The following FLNB variants were observed in gnomAD, a reference collection of about 807,000 sequenced individuals.
FLNB encodes the protein filamin B, also known as filamin-B.
Under a neutral mutation model 250.6 loss-of-function variants are expected in FLNB, and 111 were observed. The observed-to-expected ratio is 0.44, with a 90% confidence interval of 0.38 to 0.52. FLNB has a LOEUF of 0.52. Ranked by LOEUF, FLNB falls within the 20% of genes least tolerant of loss-of-function variation. The pLI is 0.00. For synonymous variants in FLNB, 1,302 were observed against 1,372.1 expected, an observed-to-expected ratio of 0.95 and a Z score of 1.13; for missense variants, 2,869 against 3,447.8, an observed-to-expected ratio of 0.83 and a Z score of 4.20.
At chr3:58,020,555 A>G (rs541052172) in intron 1 of FLNB, among the ~76,000 whole-genome samples, 9 of 152,286 alleles carry the variant, frequency 5.9e-5, no homozygotes, top group Admixed American at 1.3e-4. Flanking sequence ...GTGTTAACAC[A>G]GCACTCCTGT....
Position 58,148,807 on chromosome 3 carries a change from C to G in FLNB, c.6046C>G (p.Arg2016Gly). The G allele has an allele frequency of 6.2e-7, 1 of 1,613,902 alleles. No individual in the cohort carries two copies. The highest frequency in any genetic ancestry group is 8.5e-7 in the Non-Finnish European group (1 of 1,180,024). ...CTATGGCCGCGGCCTGTCAGAAGGC[C>G]GGACTTTCGAGATGTCTGACTTCAT... Reference protein sequence around the residue: ...KVYGRGLSEGRTFEMSDFIVD... With the variant: ...KVYGRGLSEGGTFEMSDFIVD... Residue 2016 changes from arginine (R) to glycine (G), a missense_variant, in exon 36 of 46, where the codon CGG becomes GGG. By Grantham distance (125) the Arg-to-Gly change is moderately radical (BLOSUM62 -2). Coordinates refer to ENST00000295956, the MANE Select transcript of FLNB (RefSeq NM_001457.4).
At chr3:58,070,340 G>A (rs753421244) in intron 1 of FLNB, among the ~76,000 whole-genome samples, 1 of 152,062 alleles carries the variant, frequency 6.6e-6, no homozygotes, top group South Asian at 2.1e-4. Flanking sequence ...CACTGTGCCC[G>A]GCCGACACTT....
chr3:58,031,312 G>A (rs533785492), intron 1 of FLNB, among the ~76,000 whole-genome samples: 5 of 151,852 alleles, frequency 3.3e-5, no homozygotes, highest in South Asian at 2.1e-4. Context: ...TTGCGATCTC[G>A]GCTCACTGCA....
intron 12 of FLNB, among the ~76,000 whole-genome samples, chr3:58,107,638 T>C (rs74872570): frequency 1.3e-5 from 2 of 152,360 alleles, no homozygotes; most frequent in East Asian, 1.9e-4. Context: ...GATTTTTTTT[T>C]CCTAGTTCCG....
chr3:58,056,988 T>A (rs2097171587), intron 1 of FLNB, among the ~76,000 whole-genome samples: 1 of 150,130 alleles, frequency 6.7e-6, no homozygotes, highest in East Asian at 2.0e-4. Context: ...ACTCATTTTC[T>A]TTTTTCTTTG....
At position 58,153,474 on chromosome 3, in the gene FLNB, G is replaced by C; in HGVS notation, c.6467G>C (p.Arg2156Pro). The change falls in exon 39 of 46, where the codon CGG becomes CCG. Residue 2156 changes from arginine (R) to proline (P), a missense_variant. Arg to Pro is a moderately radical substitution (Grantham distance 103). Transcript: ENST00000295956. Reference protein sequence around the residue: ...VPMGKNSHCVRFVPQEMGVHT... With the variant: ...VPMGKNSHCVPFVPQEMGVHT... ...ATGGGGAAGAACTCACACTGCGTCC[G>C]GTTTGTGCCCCAGGAGATGGGCGTG... is the stretch of plus-strand genomic sequence containing the variant. 1 of 1,614,234 alleles carries C rather than the reference G, an allele frequency of 6.2e-7. No individual in the cohort carries two copies. Among genetic ancestry groups the C allele is most frequent in the Non-Finnish European group, 8.5e-7 (1 of 1,180,044 alleles).
intron 4 of FLNB, among the ~76,000 whole-genome samples, chr3:58,085,044 C>T (rs1464475544): frequency 3.3e-5 from 5 of 152,118 alleles, no homozygotes; most frequent in Admixed American, 6.6e-5. Flanking sequence ...TTCCTTTGTA[C>T]GTGTATATCA....
At chr3:58,117,098 T>C (rs1452488706) in intron 18 of FLNB, among the ~76,000 whole-genome samples, 3 of 152,164 alleles carry the variant, frequency 2.0e-5, no homozygotes, top group African/African-American at 7.2e-5. Flanking sequence ...TTCAGAAGCA[T>C]GTAGAGGAGA....
At chr3:58,066,254 G>A (rs1253420085) in intron 1 of FLNB, among the ~76,000 whole-genome samples, 1 of 99,826 alleles carries the variant, frequency 1.0e-5, no homozygotes, top group African/African-American at 4.4e-5. Context: ...TGCTCTTGTT[G>A]CCCAGTGGCA....
intron 45 of FLNB, 94 bp from the exon 46 acceptor site, chr3:58,170,481 C>G (rs1187518278): frequency 2.3e-6 from 3 of 1,277,234 alleles, no homozygotes; most frequent in African/African-American, 1.5e-5. Context: ...CCAGCATTAT[C>G]GTGGAAGCAC....
intron 7 of FLNB, among the ~76,000 whole-genome samples, chr3:58,098,292 G>T (rs2097242583): frequency 6.6e-6 from 1 of 152,114 alleles, no homozygotes; most frequent in Non-Finnish European, 1.5e-5. Context: ...TAACATCTTG[G>T]TGTGGACCTC....
intron 10 of FLNB, among the ~76,000 whole-genome samples, chr3:58,104,343 G>A (rs1192063309): frequency 6.6e-6 from 1 of 152,166 alleles, no homozygotes; most frequent in Non-Finnish European, 1.5e-5. Flanking sequence ...AGAAGGAGCA[G>A]TTAGAGCAAA....
intron 24 of FLNB, among the ~76,000 whole-genome samples, chr3:58,129,446 G>A (rs1051961153): frequency 6.6e-6 from 1 of 152,142 alleles, no homozygotes; most frequent in Non-Finnish European, 1.5e-5. Context: ...TTAAAGATTG[G>A]CCTCAGAGGT....
intron 42 of FLNB, among the ~76,000 whole-genome samples, chr3:58,161,339 C>T (rs2097361358): frequency 6.6e-6 from 1 of 152,252 alleles, no homozygotes; most frequent in East Asian, 1.9e-4. Flanking sequence ...GAGGATTGGT[C>T]AGGGCCTTAA....
rs140031981 is a variant in FLNB, at chr3:58,095,229, G to GTATGTATTTATTTATTTATT, written c.906+278_906+279insGTATTTATTTATTTATTTAT. On this transcript the variant is annotated intron_variant, in intron 5 of 45. Coordinates refer to ENST00000295956, the MANE Select transcript of FLNB (RefSeq NM_001457.4). ...GCCTTGTCAGTTGAGGTTTATGTATGTATTTATTTATTTATTTATTTATTT... is the reference window on the plus strand; with the variant it reads ...GCCTTGTCAGTTGAGGTTTATGTATGTATGTATTTATTTATTTATTTATTTATTTATTTATTTATTTATTT... Among the ~76,000 whole-genome samples the GTATGTATTTATTTATTTATT allele has an allele frequency of 8.1e-3, 1,200 of 147,786 alleles. 13 individuals are homozygous for GTATGTATTTATTTATTTATT. The highest frequency in any genetic ancestry group is 0.026 in the African/African-American group (1,030 of 39,662).
intron 41 of FLNB, among the ~76,000 whole-genome samples, chr3:58,158,539 C>T (rs2097356650): frequency 6.6e-6 from 1 of 152,202 alleles, no homozygotes; most frequent in Non-Finnish European, 1.5e-5. Flanking sequence ...GGTTTGCTTA[C>T]ACATTAAGTG....
At chr3:58,057,007 T>C (rs1166237896) in intron 1 of FLNB, among the ~76,000 whole-genome samples, 3 of 151,792 alleles carry the variant, frequency 2.0e-5, no homozygotes, top group African/African-American at 7.3e-5. Flanking sequence ...TGAGGTGAGG[T>C]CTCTCTTTGT....
At chr3:58,088,384 A>G (rs2097220865) in intron 4 of FLNB, among the ~76,000 whole-genome samples, 1 of 152,110 alleles carries the variant, frequency 6.6e-6, no homozygotes. Flanking sequence ...GCTTTTTAAA[A>G]AGGTAATATT....
chr3:58,080,784 G>A (rs534206723), intron 3 of FLNB, among the ~76,000 whole-genome samples: 209 of 141,102 alleles, frequency 1.5e-3, no homozygotes, highest in African/African-American at 5.3e-3. Context: ...GAGCTACTGC[G>A]TCTGGCCTTT....
Sources: gnomAD v4.1 joint callset for allele counts (sites outside exome capture counted in the v4.1 genomes callset) on GRCh38, gnomAD v4.1.1 for gene constraint, MANE v1.5 for transcripts, NCBI Gene and HGNC (gene_info 2026-07-23, HGNC 2026-07-21) for gene names.